Variants in PRKAR1B observed in about 807,000 individuals in gnomAD.
PRKAR1B encodes protein kinase cAMP-dependent type I regulatory subunit beta, also known as cAMP-dependent protein kinase type I-beta regulatory subunit.
Under a neutral mutation model 46.5 loss-of-function variants are expected in PRKAR1B, and 22 were observed. That is an observed-to-expected ratio of 0.47 (90% CI 0.34 to 0.68). The LOEUF (loss-of-function observed/expected upper bound fraction) is 0.68, where lower values mean the gene tolerates loss of function less well. PRKAR1B is among the 30% of genes least tolerant of loss of function. The pLI is 0.01. For synonymous variants in PRKAR1B, 259 were observed against 217.7 expected (o/e 1.19, Z -1.67); for missense variants, 445 against 535.6 (o/e 0.83, Z 1.67).
rs1562578970 is a variant in PRKAR1B, at chr7:636,291, GCCGCGCCCTC to G, written c.441-28849_441-28840del. On this transcript the variant is annotated intron_variant, in intron 4 of 10. Transcript: ENST00000537384. ...GGCCGCGCCCTCACGTCCTCCACCG[GCCGCGCCCTC>G]ACGTCCTCCACCGGCCGCGCCCACA... Among the ~76,000 whole-genome samples, 37 of 7,734 alleles carry G rather than the reference GCCGCGCCCTC, an allele frequency of 4.8e-3. 1 individual carries two copies. The highest frequency in any genetic ancestry group is 0.015 in the South Asian group (3 of 206). 5.1% of individuals were successfully genotyped at this position (7,734 alleles called of 152,430 possible). A position where few individuals can be genotyped will look rare whatever the true frequency, so the allele number is the denominator to read the frequency against.
At chr7:668,186 GAGA>G (rs1474269175) in intron 4 of PRKAR1B, among the ~76,000 whole-genome samples, 3 of 152,344 alleles carry the variant, frequency 2.0e-5, no homozygotes, top group Admixed American at 6.5e-5. Context: ...GGGAAGCAGA[GAGA>G]AGAAGAGCAG....
chr7:709,310 C>T (rs964115243), intron 2 of PRKAR1B, among the ~76,000 whole-genome samples: 2 of 150,630 alleles, frequency 1.3e-5, no homozygotes, highest in African/African-American at 2.4e-5. Flanking sequence ...TATGTATCCA[C>T]GTATGCATGT....
At chr7:706,915 A>G (rs942902034) in intron 2 of PRKAR1B, among the ~76,000 whole-genome samples, 7 of 152,076 alleles carry the variant, frequency 4.6e-5, no homozygotes, top group Non-Finnish European at 5.9e-5. Flanking sequence ...GTGAAGAAAA[A>G]TCCTCCATCA....
At chr7:658,326 C>T (rs188759130) in intron 4 of PRKAR1B, among the ~76,000 whole-genome samples, 1 of 152,186 alleles carries the variant, frequency 6.6e-6, no homozygotes, top group African/African-American at 2.4e-5. Flanking sequence ...GTTCCAGCTA[C>T]TAGGAGGCTG....
intron 2 of PRKAR1B, among the ~76,000 whole-genome samples, chr7:688,732 G>T (rs1412881358): frequency 6.6e-6 from 1 of 152,058 alleles, no homozygotes; most frequent in Non-Finnish European, 1.5e-5. Context: ...TCCCCCTCCA[G>T]AGCTCTGCGG....
At chr7:551,253 C>T (rs1352997250) in intron 10 of PRKAR1B, 136 bp downstream of exon 10, 2 of 811,662 alleles carry the variant, frequency 2.5e-6, no homozygotes, top group African/African-American at 1.7e-5. Context: ...CTGTTGCAGC[C>T]ACACTGGGGC....
At chr7:669,406 A>G (rs1374359405) in intron 4 of PRKAR1B, among the ~76,000 whole-genome samples, 1 of 152,188 alleles carries the variant, frequency 6.6e-6, no homozygotes, top group African/African-American at 2.4e-5. Flanking sequence ...TTTGGAAACA[A>G]AGAGTGGTGA....
intron 7 of PRKAR1B, 147 bp from the exon 8 acceptor site, chr7:584,715 A>G (rs1780501572): frequency 1.6e-5 from 11 of 686,624 alleles, no homozygotes; most frequent in Admixed American, 8.9e-5. Context: ...GACGACTCGG[A>G]GTCTGCGTGA....
intron 4 of PRKAR1B, among the ~76,000 whole-genome samples, chr7:662,731 C>T (rs1338641057): frequency 6.6e-6 from 1 of 152,204 alleles, no homozygotes; most frequent in Non-Finnish European, 1.5e-5. Flanking sequence ...TACCTACTCT[C>T]CCCATGCCTG....
chr7:704,950 C>T (rs912214475), intron 2 of PRKAR1B, among the ~76,000 whole-genome samples: 3 of 151,838 alleles, frequency 2.0e-5, no homozygotes, highest in African/African-American at 4.8e-5. Flanking sequence ...GGAAAATAAG[C>T]GTATGAAAAC....
At position 596,327 on chromosome 7, in the gene PRKAR1B, G is replaced by C. The variant is rs1194647867; in HGVS notation, c.550-23C>G. ...CACCTTTGGGGAGCAAGAGAGAGAAGTGTCACGGGGGCCAGGCAGGGTGAC... is the reference window on the plus strand; with the variant it reads ...CACCTTTGGGGAGCAAGAGAGAGAACTGTCACGGGGGCCAGGCAGGGTGAC... On this transcript the variant is annotated intron_variant, in intron 6 of 10. Transcript: ENST00000537384. 3.8e-6 allele frequency: 6 copies of C among 1,593,464 alleles called. No homozygotes were observed. In the Admixed American group the frequency reaches 8.4e-5, roughly 22 times the overall value.
In PRKAR1B at chr7:549,545, T is replaced by A. The variant is rs1343055249; in HGVS notation, c.*885A>T. 2.6e-5 allele frequency: 4 copies of A among 152,316 alleles called. No individual in the cohort carries two copies. Among genetic ancestry groups the A allele is most frequent in the Admixed American group, 1.3e-4 (2 of 15,290 alleles). 9.4% of individuals were successfully genotyped at this position (152,316 alleles called of 1,614,324 possible). A position where few individuals can be genotyped will look rare whatever the true frequency, so the allele number is the denominator to read the frequency against. On this transcript the variant is annotated 3_prime_UTR_variant, in exon 11 of 11. Transcript: ENST00000537384. The stretch of plus-strand genomic sequence containing the variant: ...GCTGGCTCACGTCATCACTGCGGGA[T>A]CCAAGACACATTTAAGGGACAAGTC...
At chr7:656,966 T>G (rs1196742287) in intron 4 of PRKAR1B, among the ~76,000 whole-genome samples, 2 of 151,504 alleles carry the variant, frequency 1.3e-5, no homozygotes, top group Non-Finnish European at 3.0e-5. Context: ...CATGAGTGAA[T>G]GCATGGATGG....
intron 2 of PRKAR1B, among the ~76,000 whole-genome samples, chr7:689,283 G>A (rs113198743): frequency 0.02 from 3,028 of 151,704 alleles, 96 homozygotes; most frequent in African/African-American, 0.069. Flanking sequence ...CACCACACCC[G>A]GCTAATTTTT....
intron 4 of PRKAR1B, among the ~76,000 whole-genome samples, chr7:651,869 C>T (rs1477665336): frequency 4.4e-5 from 5 of 114,602 alleles, no homozygotes; most frequent in African/African-American, 1.1e-4. Context: ...AAACCCCTCT[C>T]GGAAGACAGT....
At chr7:716,159 C>T (rs1000996397) in intron 1 of PRKAR1B, among the ~76,000 whole-genome samples, 9 of 151,992 alleles carry the variant, frequency 5.9e-5, no homozygotes, top group Non-Finnish European at 1.3e-4. Context: ...GCCATCCTCC[C>T]ACTTCAACAT....
chr7:695,199 G>C (rs544233805), intron 2 of PRKAR1B, among the ~76,000 whole-genome samples: 20 of 152,314 alleles, frequency 1.3e-4, no homozygotes, highest in African/African-American at 4.8e-4. Context: ...CAGGTGCAGG[G>C]ATGGTTTTGG....
At chr7:695,478 A>C (rs1415531654) in intron 2 of PRKAR1B, among the ~76,000 whole-genome samples, 1 of 152,150 alleles carries the variant, frequency 6.6e-6, no homozygotes, top group Admixed American at 6.5e-5. Context: ...AGACTTGTGA[A>C]GCGCCATCTG....
chr7:678,018 C>T (rs1001824866), intron 3 of PRKAR1B, among the ~76,000 whole-genome samples: 10 of 152,218 alleles, frequency 6.6e-5, no homozygotes, highest in Non-Finnish European at 1.3e-4. Context: ...CGCCTGTAAT[C>T]CCAGCACTTT....
Sources: allele counts gnomAD v4.1 joint callset (sites outside exome capture counted in the v4.1 genomes callset), GRCh38; gene constraint gnomAD v4.1.1; transcripts MANE v1.5; gene names NCBI Gene and HGNC (gene_info 2026-07-23, HGNC 2026-07-21).